Variants in GRM8 observed in about 807,000 individuals in gnomAD.
GRM8 encodes the protein metabotropic glutamate receptor 8.
Under a neutral mutation model 87.2 loss-of-function variants are expected in GRM8, and 47 were observed. The observed-to-expected ratio is 0.54, with a 90% confidence interval of 0.43 to 0.69. The LOEUF is 0.69. Ranked by LOEUF, GRM8 falls within the 30% of genes least tolerant of loss-of-function variation. The probability of loss-of-function intolerance (pLI) is 0.00; values close to 1 mark genes in which losing one functional copy is unlikely to be tolerated. For missense variants in GRM8, 1,019 were observed against 1,139.2 expected, an observed-to-expected ratio of 0.89 and a Z score of 1.52; for synonymous variants, 396 against 404.5, an observed-to-expected ratio of 0.98 and a Z score of 0.25.
intron 3 of GRM8, among the ~76,000 whole-genome samples, chr7:127,106,020 TGACAATAA>T (rs1350974824): frequency 3.3e-5 from 5 of 152,168 alleles, no homozygotes; most frequent in Non-Finnish European, 7.4e-5. Context: ...AAGTCAAATA[TGACAATAA>T]GAATATTGCT....
At chr7:126,572,915 GAC>G (rs1259933395) in intron 8 of GRM8, among the ~76,000 whole-genome samples, 5 of 152,094 alleles carry the variant, frequency 3.3e-5, no homozygotes, top group Non-Finnish European at 5.9e-5. Context: ...GACAGAGAAA[GAC>G]ACAGAGAGAA....
At chr7:126,690,553 CT>C (rs1464733731) in intron 7 of GRM8, among the ~76,000 whole-genome samples, 3 of 152,184 alleles carry the variant, frequency 2.0e-5, no homozygotes, top group Non-Finnish European at 4.4e-5. Context: ...TTGGTCTGGG[CT>C]CCCCAAAGGG....
intron 7 of GRM8, among the ~76,000 whole-genome samples, chr7:126,694,898 C>T (rs2151380421): frequency 6.6e-6 from 1 of 152,314 alleles, no homozygotes; most frequent in East Asian, 1.9e-4. Flanking sequence ...ACAATGGTCT[C>T]ATGCCTTGAT....
chr7:126,638,927 C>T (rs1047695479), intron 7 of GRM8, among the ~76,000 whole-genome samples: 19 of 152,290 alleles, frequency 1.2e-4, no homozygotes, highest in African/African-American at 4.1e-4. Context: ...ACTGCCACTT[C>T]TGTACTCTAC....
intron 4 of GRM8, 98 bp downstream of exon 4, chr7:126,904,450 A>C (rs1455937620): frequency 8.6e-7 from 1 of 1,158,634 alleles, no homozygotes; most frequent in Admixed American, 2.0e-5. Flanking sequence ...CTGTTATTGG[A>C]AGGCAATTAC....
rs12673232 is a variant in GRM8, at chr7:126,867,413, G to A, written c.1156+35129C>T. On this transcript the variant is annotated intron_variant, in intron 6 of 10. Coordinates refer to ENST00000339582, the MANE Select transcript of GRM8 (RefSeq NM_000845.3). ...TGGGCACTTTCTTACCCAAACCACT[G>A]TAGGTTTATTTGACATTTAGTTGTA... Among the ~76,000 whole-genome samples the A allele has an allele frequency of 7.2e-3, 1,101 of 152,308 alleles. 25 individuals carry two copies. The highest frequency in any genetic ancestry group is 0.068 in the East Asian group (351 of 5,178).
chr7:126,739,904 T>C (rs955566671), intron 7 of GRM8, among the ~76,000 whole-genome samples: 2 of 152,040 alleles, frequency 1.3e-5, no homozygotes, highest in African/African-American at 4.8e-5. Flanking sequence ...TGTACAGGTA[T>C]ATAGCCTAGG....
In GRM8 at chr7:127,185,412, CAAAAATAAG is replaced by C. The variant is rs201748958; in HGVS notation, c.510+57274_510+57282del. Among the ~76,000 whole-genome samples the C allele has an allele frequency of 5.9e-4, 90 of 151,866 alleles. No homozygotes were observed. The East Asian group carries it at 0.012, about 21-fold the overall frequency. On this transcript the variant is annotated intron_variant, in intron 2 of 10. Transcript: ENST00000339582. ...ATGGGAATATTTGGATGTTTATATG[CAAAAATAAG>C]AAAAATAACTTAGACATAGGCCTTA...
intron 2 of GRM8, among the ~76,000 whole-genome samples, chr7:127,108,526 C>T (rs1018096904): frequency 3.9e-5 from 6 of 152,128 alleles, no homozygotes; most frequent in African/African-American, 1.4e-4. Flanking sequence ...ATTTGGATAC[C>T]GATACTCCCA....
At chr7:126,780,968 G>A (rs1421258143) in intron 6 of GRM8, among the ~76,000 whole-genome samples, 1 of 152,170 alleles carries the variant, frequency 6.6e-6, no homozygotes, top group East Asian at 1.9e-4. Context: ...GGTGATGAAA[G>A]TGAAGAAATG....
chr7:126,891,387 A>C (rs567955475), intron 6 of GRM8, among the ~76,000 whole-genome samples: 1 of 152,116 alleles, frequency 6.6e-6, no homozygotes, highest in African/African-American at 2.4e-5. Flanking sequence ...CTACAGCCAG[A>C]ATAATCTTTC....
chr7:126,688,371 C>A (rs979660750), intron 7 of GRM8, among the ~76,000 whole-genome samples: 2 of 152,122 alleles, frequency 1.3e-5, no homozygotes, highest in Admixed American at 1.3e-4. Context: ...CCTATTTATG[C>A]AGCTGAGTGA....
intron 6 of GRM8, among the ~76,000 whole-genome samples, chr7:126,772,967 G>A (rs776360490): frequency 2.0e-4 from 30 of 152,142 alleles, no homozygotes; most frequent in Admixed American, 1.2e-3. Flanking sequence ...TAACATCAAT[G>A]CAATGATGGC....
At chr7:127,198,030 T>A (rs1454853120) in intron 2 of GRM8, among the ~76,000 whole-genome samples, 1 of 152,220 alleles carries the variant, frequency 6.6e-6, no homozygotes, top group Non-Finnish European at 1.5e-5. Context: ...AATGAGGTTG[T>A]CTTTGATTCT....
chr7:127,052,578 C>G (rs1819597222), intron 3 of GRM8, among the ~76,000 whole-genome samples: 1 of 152,182 alleles, frequency 6.6e-6, no homozygotes, highest in African/African-American at 2.4e-5. Flanking sequence ...TTGCAAGCAA[C>G]CTTTCCTTGA....
intron 3 of GRM8, among the ~76,000 whole-genome samples, chr7:127,033,009 C>CCT (rs533733571): frequency 2.4e-4 from 34 of 139,956 alleles, no homozygotes; most frequent in African/African-American, 9.0e-4. Flanking sequence ...CTTTCGTTTC[C>CCT]TTTTTTTTTT....
chr7:127,214,561 C>T (rs1796408953), intron 2 of GRM8, among the ~76,000 whole-genome samples: 1 of 152,152 alleles, frequency 6.6e-6, no homozygotes, highest in African/African-American at 2.4e-5. Flanking sequence ...AACTTACAAT[C>T]ATGGCAGAAG....
chr7:126,670,552 TG>T (rs935526591), intron 7 of GRM8, among the ~76,000 whole-genome samples: 50 of 152,248 alleles, frequency 3.3e-4, no homozygotes, highest in African/African-American at 1.2e-3. Flanking sequence ...CACAGACGAT[TG>T]TTGTCTTGTT....
chr7:127,080,067 G>A (rs2132768951), intron 3 of GRM8, among the ~76,000 whole-genome samples: 1 of 152,348 alleles, frequency 6.6e-6, no homozygotes, highest in East Asian at 1.9e-4. Flanking sequence ...TGGAACTAAG[G>A]TAGCTATCCA....
Sources: allele counts gnomAD v4.1 joint callset (sites outside exome capture counted in the v4.1 genomes callset), GRCh38; gene constraint gnomAD v4.1.1; transcripts MANE v1.5; gene names NCBI Gene and HGNC (gene_info 2026-07-23, HGNC 2026-07-21).